Variants in TNFAIP8L3 observed in about 807,000 individuals in gnomAD.
The protein encoded by TNFAIP8L3 is tumor necrosis factor alpha-induced protein 8-like protein 3.
A neutral mutation model predicts 11.8 loss-of-function variants in TNFAIP8L3; 7 were observed. The ratio of observed to expected loss-of-function variants is 0.59; its 90% CI spans 0.34 to 1.11. The LOEUF is 1.11. TNFAIP8L3 is among the 50% of genes most tolerant of loss of function. The pLI, the probability that TNFAIP8L3 is intolerant of heterozygous loss-of-function variation, is 0.03. For synonymous variants in TNFAIP8L3, 98 were observed against 103.8 expected, an observed-to-expected ratio of 0.94 and a Z score of 0.34; for missense variants, 219 against 258.6, an observed-to-expected ratio of 0.85 and a Z score of 1.05.
rs2065321403 is a variant in TNFAIP8L3 at position 51,072,989 on chromosome 15, C to CTTTTTTTTTTTTTTTTTTTTTT, written c.53-14547_53-14546insAAAAAAAAAAAAAAAAAAAAAA. Among the ~76,000 whole-genome samples, 32 of 45,752 alleles carry CTTTTTTTTTTTTTTTTTTTTTT rather than the reference C, an allele frequency of 7.0e-4. 16 individuals carry two copies. The highest frequency in any genetic ancestry group is 6.1e-4 in the Non-Finnish European group (16 of 26,018). The allele number at this position is 45,752 out of a possible 152,430, so 30.0% of individuals were successfully genotyped here. ...ATGTTGATCTGAAGTAAACTGGGAT[C>CTTTTTTTTTTTTTTTTTTTTTT]CTTTTTTTTTTTTTTTTTTTTTTTG... On this transcript the variant is annotated intron_variant, in intron 1 of 1. Transcript: ENST00000637513.
At chr15:51,103,873 T>C (rs529958690) in intron 1 of TNFAIP8L3, among the ~76,000 whole-genome samples, 16 of 152,328 alleles carry the variant, frequency 1.1e-4, no homozygotes, top group African/African-American at 3.8e-4. Context: ...ATGTGGGACA[T>C]GTGCCTACTT....
chr15:51,073,266 G>A (rs981063516), intron 1 of TNFAIP8L3, among the ~76,000 whole-genome samples: 4 of 152,144 alleles, frequency 2.6e-5, no homozygotes, highest in African/African-American at 9.7e-5. Context: ...AAAGTGCTGG[G>A]ACTATAGGCG....
At chr15:51,070,975 C>T (rs1183558685) in intron 1 of TNFAIP8L3, among the ~76,000 whole-genome samples, 4 of 135,334 alleles carry the variant, frequency 3.0e-5, no homozygotes, top group African/African-American at 8.1e-5. Flanking sequence ...GGCGTGAACC[C>T]GGGAGGTGGA....
chr15:51,081,223 A>T (rs1371541729), intron 1 of TNFAIP8L3, among the ~76,000 whole-genome samples: 1 of 152,176 alleles, frequency 6.6e-6, no homozygotes, highest in Non-Finnish European at 1.5e-5. Flanking sequence ...GGAAGGGAAG[A>T]CATCTCAGGT....
At chr15:51,094,979 G>C (rs2140983415), upstream of TNFAIP8L3, among the ~76,000 whole-genome samples, 1 of 147,298 alleles carries the variant, frequency 6.8e-6, no homozygotes, top group South Asian at 2.1e-4. This position sits in a 1 kb window ranked among gnomAD's most constrained non-coding sequence, Gnocchi z 4.4. Flanking sequence ...GCCCTGCGTC[G>C]GAGCCCTTGG....
At chr15:51,070,729 T>G (rs2065301906) in intron 1 of TNFAIP8L3, among the ~76,000 whole-genome samples, 2 of 152,128 alleles carry the variant, frequency 1.3e-5, no homozygotes, top group African/African-American at 2.4e-5. Context: ...AGATGGAGAT[T>G]GAGCAGTATT....
intron 1 of TNFAIP8L3, among the ~76,000 whole-genome samples, chr15:51,076,668 G>A (rs573597108): frequency 6.6e-6 from 1 of 152,216 alleles, no homozygotes; most frequent in African/African-American, 2.4e-5. Context: ...GAAAACGAGA[G>A]AGCCCAGTCC....
chr15:51,096,192 T>G (rs921935947), upstream of TNFAIP8L3, among the ~76,000 whole-genome samples: 2 of 152,166 alleles, frequency 1.3e-5, no homozygotes, highest in Admixed American at 6.5e-5. Context: ...TACAGTGTCA[T>G]AAGTGAGTTT....
chr15:51,068,777 C>T (rs2065289064), intron 1 of TNFAIP8L3, among the ~76,000 whole-genome samples: 1 of 151,352 alleles, frequency 6.6e-6, no homozygotes, highest in Non-Finnish European at 1.5e-5. Flanking sequence ...AGCGATTCTC[C>T]TGCCTCAGCC....
chr15:51,063,427 A>G (rs1287914198), intron 1 of TNFAIP8L3, among the ~76,000 whole-genome samples: 2 of 152,228 alleles, frequency 1.3e-5, no homozygotes, highest in Admixed American at 6.5e-5. Flanking sequence ...CTAGCGATGT[A>G]TATTTATCAT....
At position 51,075,796 on chromosome 15, in the gene TNFAIP8L3, A is replaced by C. The variant is rs987010321; in HGVS notation, c.53-17353T>G. On this transcript the variant is annotated intron_variant, in intron 1 of 1. Transcript: ENST00000637513. The stretch of plus-strand genomic sequence containing the variant: ...TCGTCTATCTTGGAAAAAAGAAACA[A>C]AACATGGCCTGTGACAGTGGACTGA... 5.3e-5 allele frequency among the ~76,000 whole-genome samples: 8 copies of C among 152,230 alleles called. No homozygotes were observed. In the East Asian group the frequency reaches 1.5e-3, roughly 29 times the overall value.
chr15:51,090,174 G>C (rs1444625711), intron 1 of TNFAIP8L3, among the ~76,000 whole-genome samples: 1 of 152,184 alleles, frequency 6.6e-6, no homozygotes, highest in Non-Finnish European at 1.5e-5. Flanking sequence ...CCTGCCTCCA[G>C]AGAACGTTAC....
In TNFAIP8L3 at chr15:51,100,682, T is replaced by G. The variant is rs549421956; in HGVS notation, c.172+4323A>C. The stretch of plus-strand genomic sequence containing the variant: ...ATTTTAAGAAGACATATCAGGGATC[T>G]CCCCAAGGTGGGGGAATCAAGATGA... On this transcript the variant is annotated intron_variant, in intron 1 of 2. Transcript: ENST00000327536. 1.8e-3 allele frequency among the ~76,000 whole-genome samples: 267 copies of G among 151,932 alleles called. 1 individual carries two copies. The highest frequency in any genetic ancestry group is 3.7e-3 in the South Asian group (18 of 4,816).
intron 1 of TNFAIP8L3, among the ~76,000 whole-genome samples, chr15:51,077,074 T>C (rs2065357230): frequency 6.6e-6 from 1 of 152,186 alleles, no homozygotes; most frequent in Admixed American, 6.5e-5. Flanking sequence ...GGCATCGACC[T>C]TGGAGCCTCC....
At chr15:51,067,620 G>A (rs2065280801) in intron 1 of TNFAIP8L3, among the ~76,000 whole-genome samples, 1 of 152,240 alleles carries the variant, frequency 6.6e-6, no homozygotes, top group Admixed American at 6.5e-5. Context: ...CACATGGGGT[G>A]GGGAGAGGTG....
At chr15:51,063,406 T>A (rs1411991784) in intron 1 of TNFAIP8L3, among the ~76,000 whole-genome samples, 1 of 152,212 alleles carries the variant, frequency 6.6e-6, no homozygotes, top group Non-Finnish European at 1.5e-5. Context: ...TGGTCATCTA[T>A]TCCTGAACTA....
intron 1 of TNFAIP8L3, among the ~76,000 whole-genome samples, chr15:51,071,050 C>CAAAA (rs55991711): frequency 2.5e-4 from 8 of 31,782 alleles, no homozygotes; most frequent in Middle Eastern, 0.019. Flanking sequence ...GACTCCGTCT[C>CAAAA]AAAAAAAAAA....
upstream of TNFAIP8L3, among the ~76,000 whole-genome samples, chr15:51,098,030 C>T (rs375958238): frequency 2.6e-5 from 4 of 152,178 alleles, no homozygotes; most frequent in South Asian, 2.1e-4. Context: ...TTCAGATATA[C>T]GAGTTTCTAC....
chr15:51,072,989 CCTTTTTTT>C (rs2065321823), intron 1 of TNFAIP8L3, among the ~76,000 whole-genome samples: 1 of 45,752 alleles, frequency 2.2e-5, no homozygotes, highest in African/African-American at 1.0e-4. Flanking sequence ...AAACTGGGAT[CCTTTTTTT>C]TTTTTTTTTT....
Sources: allele counts gnomAD v4.1 joint callset (sites outside exome capture counted in the v4.1 genomes callset), GRCh38; gene constraint gnomAD v4.1.1; non-coding constraint Gnocchi (gnomAD v3.1); transcripts MANE v1.5; gene names NCBI Gene and HGNC (gene_info 2026-07-23, HGNC 2026-07-21).